SORD: variants seen among roughly 807,000 people sequenced by gnomAD.
SORD encodes sorbitol dehydrogenase, also known as (R,R)-butanediol dehydrogenase.
Under a neutral mutation model 35.6 loss-of-function variants are expected in SORD, and 18 were observed. The observed-to-expected ratio is 0.51, with a 90% confidence interval of 0.35 to 0.75. The LOEUF (loss-of-function observed/expected upper bound fraction) is 0.75, where lower values mean the gene tolerates loss of function less well. Among genes scored for constraint, SORD ranks in the 30% least tolerant of loss-of-function variants. The pLI is 0.01. For synonymous variants in SORD, 106 were observed against 152.9 expected (o/e 0.69, Z 2.26); for missense variants, 250 against 390.2 (o/e 0.64, Z 3.03).
rs181251018 is a variant in SORD, at chr15:45,044,843, A to C, written c.265+1422A>C. On this transcript the variant is annotated intron_variant, in intron 3 of 8. Transcript: ENST00000267814. ...CTCCCGAGTAGCTGGGATTACAGAC[A>C]TGCAGCACCATGCCTGGCTAATTTT... is the stretch of plus-strand genomic sequence containing the variant. Among the ~76,000 whole-genome samples the C allele has an allele frequency of 2.0e-5, 3 of 151,940 alleles. No individual in the cohort carries two copies. The East Asian group carries it at 5.8e-4, about 30-fold the overall frequency.
At chr15:45,027,452 G>A (rs58805743) in intron 1 of SORD, among the ~76,000 whole-genome samples, 21,550 of 149,654 alleles carry the variant, frequency 0.14, no homozygotes, top group East Asian at 0.3. Context: ...CCAATTGTGC[G>A]TGTGAAAGGC....
At chr15:45,071,374 C>T in intron 7 of SORD, among the ~76,000 whole-genome samples, 1 of 152,304 alleles carries the variant, frequency 6.6e-6, no homozygotes, top group Non-Finnish European at 1.5e-5. Flanking sequence ...CACTCCCACA[C>T]CACTCAAACC....
chr15:45,064,987 C>G (rs1865908), intron 4 of SORD, among the ~76,000 whole-genome samples: 17 of 152,216 alleles, frequency 1.1e-4, no homozygotes, highest in African/African-American at 3.4e-4. Context: ...TAATTTGAAC[C>G]CTTTGGGCCC....
chr15:45,055,399 A>G (rs1342303587), intron 3 of SORD, among the ~76,000 whole-genome samples: 1 of 152,212 alleles, frequency 6.6e-6, no homozygotes. Flanking sequence ...GAAGAAATGG[A>G]TAAATTCCTC....
chr15:45,047,218 C>T (rs1893059318), intron 3 of SORD: 1 of 152,080 alleles, frequency 6.6e-6, no homozygotes, highest in Admixed American at 6.5e-5. Flanking sequence ...GACCAGCCTT[C>T]ACCACTTATT....
chr15:45,072,599 C>A (rs368060118), intron 8 of SORD, among the ~76,000 whole-genome samples, 161 bp downstream of exon 8: 1 of 147,538 alleles, frequency 6.8e-6, no homozygotes, highest in Non-Finnish European at 1.5e-5. Context: ...AAAGAGAGAA[C>A]ACTCACTGCC....
intron 1 of SORD, among the ~76,000 whole-genome samples, chr15:45,026,745 AAGC>A (rs1367193358): frequency 6.6e-6 from 1 of 152,270 alleles, no homozygotes; most frequent in Non-Finnish European, 1.5e-5. Flanking sequence ...CTAAAATCTG[AAGC>A]AGGTTTCCAA....
At chr15:45,030,226 CAGG>C (rs1346769520) in intron 1 of SORD, among the ~76,000 whole-genome samples, 1 of 152,232 alleles carries the variant, frequency 6.6e-6, no homozygotes, top group Non-Finnish European at 1.5e-5. Flanking sequence ...CTATCAAAAG[CAGG>C]AGAAGAAGCA....
intron 7 of SORD, among the ~76,000 whole-genome samples, chr15:45,069,351 C>T (rs1358197057): frequency 2.6e-5 from 4 of 151,602 alleles, no homozygotes; most frequent in Admixed American, 2.0e-4. Context: ...GGACTACGGG[C>T]GCCTGCCACC....
intron 1 of SORD, among the ~76,000 whole-genome samples, chr15:45,024,008 A>T (rs568121465): frequency 6.6e-6 from 1 of 152,180 alleles, no homozygotes; most frequent in African/African-American, 2.4e-5. Flanking sequence ...TGTCTGGTTC[A>T]CTTTCCAGCA....
chr15:45,069,280 A>G (rs551579463), intron 7 of SORD, among the ~76,000 whole-genome samples: 1 of 133,066 alleles, frequency 7.5e-6, no homozygotes, highest in Admixed American at 9.5e-5. Context: ...GATCTCAGCT[A>G]ACTGCAAGCT....
intron 4 of SORD, among the ~76,000 whole-genome samples, chr15:45,064,167 G>A (rs1165719442): frequency 6.6e-6 from 1 of 151,238 alleles, no homozygotes; most frequent in Non-Finnish European, 1.5e-5. Flanking sequence ...CCTGGGCAGT[G>A]AGGAACTAGC....
At chr15:45,060,904 A>C in intron 3 of SORD, 163 bp from the exon 4 acceptor site, 1 of 1,458,536 alleles carries the variant, frequency 6.9e-7, no homozygotes, top group South Asian at 1.3e-5. Flanking sequence ...GTGGCTCGTT[A>C]AGCTAGATTC....
At chr15:45,044,980 G>A (rs1208870881) in intron 3 of SORD, among the ~76,000 whole-genome samples, 1 of 152,100 alleles carries the variant, frequency 6.6e-6, no homozygotes, top group Non-Finnish European at 1.5e-5. Context: ...TTACGGGCCT[G>A]AGCCACTGCA....
At position 45,066,450 on chromosome 15, in the gene SORD, CA is replaced by C. The variant is rs1283769083; in HGVS notation, c.544+1064del. The stretch of plus-strand genomic sequence containing the variant: ...AGGGAAGGGCAACTCTTGGAACTTT[CA>C]AATTATACCAGCAAAGTGATGGCCT... On this transcript the variant is annotated intron_variant, in intron 5 of 8. Coordinates refer to ENST00000267814, the MANE Select transcript of SORD (RefSeq NM_003104.6). 2.0e-5 allele frequency among the ~76,000 whole-genome samples: 3 copies of C among 151,972 alleles called. No individual in the cohort carries two copies. The East Asian group carries it at 5.9e-4, about 30-fold the overall frequency.
At chr15:45,027,925 T>C (rs1241251332) in intron 1 of SORD, among the ~76,000 whole-genome samples, 1 of 152,254 alleles carries the variant, frequency 6.6e-6, no homozygotes, top group Non-Finnish European at 1.5e-5. Context: ...GGAACTTTAA[T>C]ACAGGGCTTT....
intron 1 of SORD, among the ~76,000 whole-genome samples, 154 bp downstream of exon 1, chr15:45,023,503 G>C (rs1892622629): frequency 6.6e-6 from 1 of 152,256 alleles, no homozygotes; most frequent in South Asian, 2.1e-4. Context: ...CTCGGGGTGT[G>C]GGGGCAGCAG....
chr15:45,045,196 G>A (rs779767274), intron 3 of SORD, among the ~76,000 whole-genome samples: 1 of 152,136 alleles, frequency 6.6e-6, no homozygotes, highest in Non-Finnish European at 1.5e-5. Flanking sequence ...CTTGAGAAAG[G>A]TTTTATATTT....
At chr15:45,033,863 GA>G (rs1892819300) in intron 1 of SORD, among the ~76,000 whole-genome samples, 1 of 151,620 alleles carries the variant, frequency 6.6e-6, no homozygotes, top group African/African-American at 2.4e-5. Context: ...CATGCTGACT[GA>G]AACTGGCCTG....
Sources: allele counts gnomAD v4.1 joint callset (sites outside exome capture counted in the v4.1 genomes callset), GRCh38; gene constraint gnomAD v4.1.1; transcripts MANE v1.5; gene names NCBI Gene and HGNC (gene_info 2026-07-23, HGNC 2026-07-21).